The following ZNF385D variants were observed in gnomAD, a reference collection of about 807,000 sequenced individuals.
ZNF385D encodes zinc finger protein 385D, also known as zinc finger protein 659.
Under a neutral mutation model 35.8 loss-of-function variants are expected in ZNF385D, and 15 were observed. The observed-to-expected ratio is 0.42, with a 90% CI of 0.28 to 0.64. ZNF385D has a LOEUF of 0.64. ZNF385D is among the 30% of genes least tolerant of loss of function. ZNF385D has a pLI of 0.23. For synonymous variants in ZNF385D, 212 were observed against 186.8 expected, an observed-to-expected ratio of 1.13 and a Z score of -1.10; for missense variants, 474 against 494.6, an observed-to-expected ratio of 0.96 and a Z score of 0.39.
intron 4 of ZNF385D, among the ~76,000 whole-genome samples, chr3:21,499,316 C>T (rs954686945): frequency 4.6e-5 from 7 of 152,122 alleles, no homozygotes; most frequent in African/African-American, 1.2e-4. Context: ...AGAACAAGAT[C>T]ATGTCTTTGC....
intron 1 of ZNF385D, among the ~76,000 whole-genome samples, chr3:21,714,287 G>C (rs1374598469): frequency 6.6e-6 from 1 of 152,046 alleles, no homozygotes; most frequent in African/African-American, 2.4e-5. Flanking sequence ...TCACTTTCCT[G>C]CTTCCCTAGA....
rs925176227 is a variant in ZNF385D, at chr3:21,539,791, G to A, written c.276+24783C>T. Among the ~76,000 whole-genome samples, 7 of 151,770 alleles carry A rather than the reference G, an allele frequency of 4.6e-5. No homozygotes were observed. Among genetic ancestry groups the A allele is most frequent in the Non-Finnish European group, 8.8e-5 (6 of 67,944 alleles). On this transcript the variant is annotated intron_variant, in intron 3 of 7. Coordinates refer to ENST00000281523, the MANE Select transcript of ZNF385D (RefSeq NM_024697.3). This position sits in a 1 kb window ranked among gnomAD's most constrained non-coding sequence, Gnocchi z 4.0. ...ATAGTAACTTTTCTGATAATGCTAC[G>A]GTCTTAAGAAATATGGGTTGGCTTG...
At chr3:22,273,288 G>A (rs1302279387) in intron 2 of ZNF385D, among the ~76,000 whole-genome samples, 2 of 151,912 alleles carry the variant, frequency 1.3e-5, no homozygotes, top group South Asian at 2.1e-4. Flanking sequence ...ACACACATCA[G>A]CTGCACAGTA....
intron 5 of ZNF385D, among the ~76,000 whole-genome samples, chr3:21,434,155 C>T (rs757437908): frequency 2.0e-5 from 3 of 152,146 alleles, no homozygotes. Flanking sequence ...AAACGGAGTG[C>T]AGGCCAGAAG....
chr3:22,294,176 A>G (rs904171102), intron 2 of ZNF385D, among the ~76,000 whole-genome samples: 1 of 152,082 alleles, frequency 6.6e-6, no homozygotes, highest in Non-Finnish European at 1.5e-5. Context: ...CTACTACAGA[A>G]AAGTGCCACT....
chr3:21,605,990 C>A (rs2064468403), intron 2 of ZNF385D, among the ~76,000 whole-genome samples: 1 of 152,154 alleles, frequency 6.6e-6, no homozygotes, highest in South Asian at 2.1e-4. Flanking sequence ...CTGTTGGCCA[C>A]CTCCTTCCAC....
intron 2 of ZNF385D, among the ~76,000 whole-genome samples, chr3:22,236,706 A>T: frequency 6.6e-6 from 1 of 152,018 alleles, no homozygotes; most frequent in Non-Finnish European, 1.5e-5. Context: ...ATTAGCAGTC[A>T]CTCTCTATTC....
chr3:21,571,799 AAGG>A (rs2063342663), intron 2 of ZNF385D, among the ~76,000 whole-genome samples: 1 of 152,136 alleles, frequency 6.6e-6, no homozygotes, highest in South Asian at 2.1e-4. Context: ...TTTTATTGTA[AAGG>A]ACACGATTCA....
chr3:22,135,883 G>A (rs894984287), intron 3 of ZNF385D, among the ~76,000 whole-genome samples: 2 of 151,984 alleles, frequency 1.3e-5, no homozygotes, highest in East Asian at 1.9e-4. Flanking sequence ...ATAAAGAAAG[G>A]TTAATCTTTT....
chr3:21,702,853 A>G (rs912841273), intron 1 of ZNF385D, among the ~76,000 whole-genome samples: 1 of 152,218 alleles, frequency 6.6e-6, no homozygotes, highest in African/African-American at 2.4e-5. Context: ...TGAGTTCCTC[A>G]TCTCCATCTG....
At chr3:22,171,980 C>G (rs1411736426) in intron 2 of ZNF385D, among the ~76,000 whole-genome samples, 1 of 151,856 alleles carries the variant, frequency 6.6e-6, no homozygotes, top group Non-Finnish European at 1.5e-5. Context: ...AAGCAATTTT[C>G]CTCCCCAATA....
intron 3 of ZNF385D, among the ~76,000 whole-genome samples, chr3:21,915,685 A>C (rs2125918510): frequency 6.6e-6 from 1 of 152,264 alleles, no homozygotes; most frequent in African/African-American, 2.4e-5. Context: ...CCAGTACAAA[A>C]CCAATAAGTA....
At chr3:21,622,162 C>T (rs2065027021) in intron 2 of ZNF385D, among the ~76,000 whole-genome samples, 1 of 151,724 alleles carries the variant, frequency 6.6e-6, no homozygotes. Context: ...TAGCTTTTAT[C>T]CTAGATAAAA....
chr3:21,896,922 G>A (rs754665337), intron 3 of ZNF385D, among the ~76,000 whole-genome samples: 1 of 151,962 alleles, frequency 6.6e-6, no homozygotes, highest in South Asian at 2.1e-4. Flanking sequence ...ATTGTAGGCA[G>A]CAAAACTTTA....
At chr3:21,533,231 T>G (rs2061964222) in intron 3 of ZNF385D, among the ~76,000 whole-genome samples, 1 of 151,756 alleles carries the variant, frequency 6.6e-6, no homozygotes, top group South Asian at 2.2e-4. Context: ...CCATTTAACA[T>G]GAGCAGAGGA....
intron 3 of ZNF385D, among the ~76,000 whole-genome samples, chr3:21,859,586 C>T (rs1696930044): frequency 6.6e-6 from 1 of 151,360 alleles, no homozygotes; most frequent in African/African-American, 2.4e-5. Context: ...AGGTGCAGGC[C>T]CATCAATTCA....
At chr3:22,015,749 T>A (rs13082428) in intron 3 of ZNF385D, among the ~76,000 whole-genome samples, 1 of 152,036 alleles carries the variant, frequency 6.6e-6, no homozygotes, top group Non-Finnish European at 1.5e-5. Flanking sequence ...CAGCATTACC[T>A]CTTCTAATTG....
intron 3 of ZNF385D, among the ~76,000 whole-genome samples, chr3:21,843,291 C>T (rs1695793197): frequency 1.3e-5 from 2 of 151,926 alleles, no homozygotes; most frequent in Admixed American, 1.3e-4. Context: ...GCTCCTTTAT[C>T]ACTTTGCTCT....
At chr3:21,744,208 C>T (rs1007605671) in intron 1 of ZNF385D, among the ~76,000 whole-genome samples, 6 of 152,134 alleles carry the variant, frequency 3.9e-5, no homozygotes, top group Non-Finnish European at 7.4e-5. Context: ...CTACTTCCCA[C>T]AATGGGTCAT....
Sources: gnomAD v4.1 joint callset for allele counts (sites outside exome capture counted in the v4.1 genomes callset) on GRCh38, gnomAD v4.1.1 for gene constraint, Gnocchi (gnomAD v3.1) non-coding constraint, MANE v1.5 for transcripts, NCBI Gene and HGNC (gene_info 2026-07-23, HGNC 2026-07-21) for gene names.